MAPRE2: variants seen among roughly 807,000 people sequenced by gnomAD.
MAPRE2 encodes microtubule-associated protein RP/EB family member 2.
Under a neutral mutation model 43.2 loss-of-function variants are expected in MAPRE2, and 13 were observed. That is an observed-to-expected ratio of 0.30 (90% CI 0.20 to 0.48). MAPRE2 has a LOEUF of 0.48. MAPRE2 is among the 20% of genes least tolerant of loss of function. The pLI is 0.99. For synonymous variants in MAPRE2, 135 were observed against 148.8 expected (o/e 0.91, Z 0.68); for missense variants, 161 against 400.2 (o/e 0.40, Z 5.10).
At chr18:35,015,453 T>C (rs570731404) in intron 2 of MAPRE2, among the ~76,000 whole-genome samples, 2 of 152,234 alleles carry the variant, frequency 1.3e-5, no homozygotes, top group African/African-American at 4.8e-5. Flanking sequence ...ATGAGGAAAT[T>C]GTTTCAGAGA....
chr18:35,093,009 C>T (rs1908226504), intron 2 of MAPRE2, among the ~76,000 whole-genome samples: 2 of 151,962 alleles, frequency 1.3e-5, no homozygotes, highest in African/African-American at 4.8e-5. Flanking sequence ...GTCGGTAGTT[C>T]AAGACCAGCC....
At chr18:35,026,104 T>C (rs531734) in intron 2 of MAPRE2, among the ~76,000 whole-genome samples, 50,491 of 151,928 alleles carry the variant, frequency 0.33, 9,903 homozygotes, top group African/African-American at 0.54. Context: ...GAAACCTCTC[T>C]AGAGAGACTC....
intron 2 of MAPRE2, among the ~76,000 whole-genome samples, chr18:35,021,495 T>A (rs931398459): frequency 3.3e-5 from 5 of 152,028 alleles, no homozygotes; most frequent in African/African-American, 4.8e-5. Flanking sequence ...GATGAAGTAA[T>A]TCAGAGAATA....
intron 2 of MAPRE2, among the ~76,000 whole-genome samples, chr18:35,071,043 T>C (rs1183530988): frequency 1.3e-5 from 2 of 152,222 alleles, no homozygotes; most frequent in African/African-American, 4.8e-5. Context: ...TCTAACTCCT[T>C]CTAGCCCTGA....
At chr18:35,003,756 T>G (rs1048261450) in intron 1 of MAPRE2, among the ~76,000 whole-genome samples, 1 of 152,340 alleles carries the variant, frequency 6.6e-6, no homozygotes, top group Middle Eastern at 3.4e-3. Context: ...TCATTCTGAT[T>G]CAGTTGAACT....
intron 2 of MAPRE2, among the ~76,000 whole-genome samples, chr18:35,034,238 C>A (rs1465819092): frequency 2.6e-5 from 4 of 151,996 alleles, no homozygotes; most frequent in South Asian, 2.1e-4. Context: ...TCTTTGACAA[C>A]CCTGAGAAAA....
At chr18:35,085,769 G>A (rs1464851943) in intron 2 of MAPRE2, among the ~76,000 whole-genome samples, 1 of 152,174 alleles carries the variant, frequency 6.6e-6, no homozygotes, top group Non-Finnish European at 1.5e-5. Context: ...TTAGAGACCA[G>A]AGATCAGTCC....
At chr18:35,047,147 G>T (rs1195458544) in intron 1 of MAPRE2, among the ~76,000 whole-genome samples, 4 of 152,134 alleles carry the variant, frequency 2.6e-5, no homozygotes, top group Non-Finnish European at 5.9e-5. Flanking sequence ...CCTAAATAGT[G>T]TGTGTGTGTT....
At chr18:35,098,607 G>T (rs1441332772) in intron 3 of MAPRE2, among the ~76,000 whole-genome samples, 1 of 152,020 alleles carries the variant, frequency 6.6e-6, no homozygotes, top group African/African-American at 2.4e-5. Context: ...CCAACTTTAT[G>T]TCCTTTGTCA....
intron 1 of MAPRE2, among the ~76,000 whole-genome samples, chr18:35,002,723 T>C (rs2150579383): frequency 6.6e-6 from 1 of 152,342 alleles, no homozygotes; most frequent in Non-Finnish European, 1.5e-5. Flanking sequence ...TTCAGTTAAA[T>C]GTCTGTTCAT....
chr18:35,063,270 A>ATT, intron 1 of MAPRE2, among the ~76,000 whole-genome samples: 1 of 149,256 alleles, frequency 6.7e-6, no homozygotes, highest in East Asian at 2.0e-4. Flanking sequence ...CGCCTGGCTA[A>ATT]TTTTTTTTTT....
chr18:35,009,910 C>A (rs992527495), intron 2 of MAPRE2, among the ~76,000 whole-genome samples: 1 of 152,086 alleles, frequency 6.6e-6, no homozygotes, highest in Non-Finnish European at 1.5e-5. Flanking sequence ...AGCACCAGAA[C>A]CTTCACTTCT....
chr18:35,023,579 G>A (rs909472763), intron 2 of MAPRE2, among the ~76,000 whole-genome samples: 1 of 151,004 alleles, frequency 6.6e-6, no homozygotes, highest in African/African-American at 2.4e-5. Context: ...TTGGAAGGAA[G>A]GGGAATAGAA....
rs551428185 is a variant in MAPRE2, at chr18:35,141,564, A to C, written c.*1195A>C. ...GACCTTAGCTAAACCATGGCAATTC[A>C]TAAATAGAGGAAACATTAATGAATT... On this transcript the variant is annotated 3_prime_UTR_variant, in exon 7 of 7. Transcript: ENST00000300249. 6.6e-6 allele frequency: 1 copy of C among 152,370 alleles called. No individual in the cohort carries two copies. Among genetic ancestry groups the C allele is most frequent in the East Asian group, 1.9e-4 (1 of 5,188 alleles). 9.4% of individuals were successfully genotyped at this position (152,370 alleles called of 1,614,324 possible).
chr18:35,036,266 A>C (rs564125719), intron 2 of MAPRE2, among the ~76,000 whole-genome samples: 1 of 152,104 alleles, frequency 6.6e-6, no homozygotes, highest in East Asian at 1.9e-4. Flanking sequence ...TACCCCATGA[A>C]TTTTACGACC....
intron 5 of MAPRE2, among the ~76,000 whole-genome samples, chr18:35,131,454 G>A (rs1603404182): frequency 6.6e-6 from 1 of 152,184 alleles, no homozygotes; most frequent in African/African-American, 2.4e-5. Flanking sequence ...CAAGGCGCCA[G>A]TAGATTCAGC....
chr18:35,040,377 A>G (rs1218415798), upstream of MAPRE2, among the ~76,000 whole-genome samples: 33 of 152,176 alleles, frequency 2.2e-4, no homozygotes, highest in Admixed American at 2.2e-3. Context: ...CTTGATTTAT[A>G]ATATTTATTG....
intron 1 of MAPRE2, among the ~76,000 whole-genome samples, chr18:35,044,689 A>G (rs551879621): frequency 6.6e-6 from 1 of 152,360 alleles, no homozygotes; most frequent in Admixed American, 6.5e-5. Flanking sequence ...GGGCTCTTGC[A>G]GGGGCTCTTG....
rs1177457232 is a variant in MAPRE2, at chr18:35,127,093, G to GCAT, written c.750+9_750+11dup. On this transcript the variant is annotated splice_region_variant and intron_variant, in intron 5 of 6. Transcript: ENST00000300249. ...TCATACAGCTTAATGAACAGGTAAT[G>GCAT]CATCAGCTCTGGCCACGCCTCTAGG... 2.5e-6 allele frequency: 4 copies of GCAT among 1,614,066 alleles called. No homozygotes were observed. The highest frequency in any genetic ancestry group is 3.4e-6 in the Non-Finnish European group (4 of 1,179,980).
Sources: allele counts gnomAD v4.1 joint callset (sites outside exome capture counted in the v4.1 genomes callset), GRCh38; gene constraint gnomAD v4.1.1; transcripts MANE v1.5; gene names NCBI Gene and HGNC (gene_info 2026-07-23, HGNC 2026-07-21).